The following NWD2 variants were observed in gnomAD, a reference collection of about 807,000 sequenced individuals.
NWD2 encodes NACHT and WD repeat domain-containing protein 2.
In NWD2, 37 loss-of-function variants were observed where a neutral mutation model predicts 132.7. That is an observed-to-expected ratio of 0.28 (90% confidence interval 0.21 to 0.37). The LOEUF (loss-of-function observed/expected upper bound fraction) is 0.37, where lower values mean the gene tolerates loss of function less well. Ranked by LOEUF, NWD2 falls within the 10% of genes least tolerant of loss-of-function variation. The probability of loss-of-function intolerance (pLI) is 1.00; values close to 1 mark genes in which losing one functional copy is unlikely to be tolerated. For missense variants in NWD2, 1,592 were observed against 2,122.4 expected (o/e 0.75, Z 4.91); for synonymous variants, 705 against 803.0 (o/e 0.88, Z 2.06).
intron 3 of NWD2, among the ~76,000 whole-genome samples, chr4:37,420,366 A>C (rs1485192888): frequency 6.6e-6 from 1 of 152,156 alleles, no homozygotes; most frequent in Non-Finnish European, 1.5e-5. Flanking sequence ...TATCTAATCC[A>C]TGCAGGTATC....
chr4:37,298,133 C>T lies in NWD2; in HGVS notation c.152-27803C>T, dbSNP rs147363936. ...AAGTGTGGTTTCATTCCAGATTGGG[C>T]GCTATCAGAAAACAGGGACAATTTC... On this transcript the variant is annotated intron_variant, in intron 1 of 6. Transcript: ENST00000309447. Among the ~76,000 whole-genome samples, 240 of 152,084 alleles carry T rather than the reference C, an allele frequency of 1.6e-3. 1 individual carries two copies. The highest frequency in any genetic ancestry group is 5.5e-3 in the African/African-American group (229 of 41,488).
At chr4:37,355,976 CAAATT>C (rs946251372) in intron 2 of NWD2, among the ~76,000 whole-genome samples, 12 of 152,048 alleles carry the variant, frequency 7.9e-5, no homozygotes, top group Non-Finnish European at 1.8e-4. Context: ...TTTCTTTTCT[CAAATT>C]AATACTTATG....
Position 37,342,789 on chromosome 4 carries a change from A to G in NWD2, c.241-13577A>G, listed in dbSNP as rs534032182. On this transcript the variant is annotated intron_variant, in intron 2 of 6. Coordinates refer to ENST00000309447, the MANE Select transcript of NWD2 (RefSeq NM_001144990.2). ...TTCAAGACACAGGGGCATCAGGTCT[A>G]GGCAGTTAGTTGTCTACAGAAGGCT... 3.9e-5 allele frequency among the ~76,000 whole-genome samples: 6 copies of G among 152,294 alleles called. No homozygotes were observed. In the South Asian group the frequency reaches 1.0e-3, roughly 26 times the overall value.
intron 2 of NWD2, among the ~76,000 whole-genome samples, chr4:37,354,700 C>T (rs1302329510): frequency 6.6e-6 from 1 of 152,200 alleles, no homozygotes; most frequent in Non-Finnish European, 1.5e-5. Context: ...GCATTTGCAG[C>T]AGCTCTGGGA....
At chr4:37,358,941 A>G (rs1397230058) in intron 3 of NWD2, among the ~76,000 whole-genome samples, 1 of 152,186 alleles carries the variant, frequency 6.6e-6, no homozygotes, top group Non-Finnish European at 1.5e-5. Context: ...GCCAGATTCC[A>G]TTATGCTTAG....
At chr4:37,437,561 G>A (rs1185260768) in intron 5 of NWD2, among the ~76,000 whole-genome samples, 2 of 152,090 alleles carry the variant, frequency 1.3e-5, no homozygotes, top group East Asian at 3.8e-4. Context: ...TATCCTAAGC[G>A]GCTGTCATCG....
At chr4:37,369,656 C>T (rs1451195288) in intron 3 of NWD2, among the ~76,000 whole-genome samples, 2 of 152,110 alleles carry the variant, frequency 1.3e-5, no homozygotes. Flanking sequence ...CTCCTTTAAA[C>T]AATCAAGGAA....
At chr4:37,424,006 C>T (rs965322541) in intron 3 of NWD2, among the ~76,000 whole-genome samples, 7 of 152,034 alleles carry the variant, frequency 4.6e-5, no homozygotes, top group Admixed American at 1.3e-4. Flanking sequence ...GGCTCTTTGG[C>T]GGGGTTCAGG....
At chr4:37,335,211 C>G (rs1577671684) in intron 2 of NWD2, among the ~76,000 whole-genome samples, 1 of 145,944 alleles carries the variant, frequency 6.9e-6, no homozygotes, top group East Asian at 2.0e-4. Flanking sequence ...CCTGTTCTAG[C>G]CTTTGCGAAC....
intron 2 of NWD2, among the ~76,000 whole-genome samples, chr4:37,332,727 T>G (rs1719319380): frequency 6.6e-6 from 1 of 152,090 alleles, no homozygotes; most frequent in Admixed American, 6.5e-5. Context: ...AAAGGGAAAT[T>G]TATCTGGCAG....
chr4:37,312,017 T>C (rs933587527), intron 1 of NWD2, among the ~76,000 whole-genome samples: 4 of 152,026 alleles, frequency 2.6e-5, no homozygotes, highest in Non-Finnish European at 5.9e-5. Flanking sequence ...GACCATGCTG[T>C]TTTGGTTACT....
chr4:37,418,634 A>C (rs1219842827), intron 3 of NWD2, among the ~76,000 whole-genome samples: 9 of 115,432 alleles, frequency 7.8e-5, no homozygotes, highest in African/African-American at 4.3e-4. Flanking sequence ...TTTCTCCCAA[A>C]AAAAAAAATA....
intron 2 of NWD2, among the ~76,000 whole-genome samples, chr4:37,342,257 GCTC>G (rs1719543463): frequency 6.6e-6 from 1 of 152,056 alleles, no homozygotes; most frequent in African/African-American, 2.4e-5. Context: ...GAGGCTGGCA[GCTC>G]CTCCTTTCTC....
intron 2 of NWD2, among the ~76,000 whole-genome samples, chr4:37,327,701 A>G (rs923129318): frequency 4.6e-5 from 7 of 152,156 alleles, no homozygotes; most frequent in African/African-American, 1.7e-4. Context: ...TCTTCTAAGA[A>G]TATACCTTTT....
chr4:37,292,757 C>G lies in NWD2; in HGVS notation c.152-33179C>G, dbSNP rs116346563. On this transcript the variant is annotated intron_variant, in intron 1 of 6. Transcript: ENST00000309447. Reference sequence around the variant, plus strand: ...TTGGATTTGGGATGGAACTGTTCCACCTCAGATCATCAGGCATTAGGTTCT... The same window carrying G: ...TTGGATTTGGGATGGAACTGTTCCAGCTCAGATCATCAGGCATTAGGTTCT... 3.2e-3 allele frequency among the ~76,000 whole-genome samples: 485 copies of G among 152,280 alleles called. 3 individuals are homozygous for G. The highest frequency in any genetic ancestry group is 0.011 in the African/African-American group (449 of 41,546).
intron 1 of NWD2, among the ~76,000 whole-genome samples, chr4:37,293,398 A>G (rs1363718737): frequency 6.6e-6 from 1 of 152,228 alleles, no homozygotes; most frequent in East Asian, 1.9e-4. Flanking sequence ...AGTTGCAAAC[A>G]TATTTGCTAG....
intron 2 of NWD2, among the ~76,000 whole-genome samples, chr4:37,340,571 A>G (rs556548655): frequency 6.6e-6 from 1 of 152,336 alleles, no homozygotes; most frequent in African/African-American, 2.4e-5. Flanking sequence ...TACAGGGTGC[A>G]CTGGGCATGT....
intron 3 of NWD2, among the ~76,000 whole-genome samples, chr4:37,359,147 G>T (rs79320009): frequency 6.6e-6 from 1 of 152,100 alleles, no homozygotes; most frequent in Non-Finnish European, 1.5e-5. Context: ...CCAATAATTT[G>T]CTGGTAGGAG....
At chr4:37,384,485 T>C (rs1284523587) in intron 3 of NWD2, among the ~76,000 whole-genome samples, 10 of 152,230 alleles carry the variant, frequency 6.6e-5, no homozygotes, top group Non-Finnish European at 1.5e-4. Flanking sequence ...TCAGAGCCTT[T>C]GGCAAGCCAC....
Sources: gnomAD v4.1 joint callset for allele counts (sites outside exome capture counted in the v4.1 genomes callset) on GRCh38, gnomAD v4.1.1 for gene constraint, MANE v1.5 for transcripts, NCBI Gene and HGNC (gene_info 2026-07-23, HGNC 2026-07-21) for gene names.